The following PEX14 variants were observed in gnomAD, a reference collection of about 807,000 sequenced individuals.
PEX14 encodes the protein peroxisomal membrane protein PEX14.
Under a neutral mutation model 49.5 loss-of-function variants are expected in PEX14, and 15 were observed. The ratio of observed to expected loss-of-function variants is 0.30; its 90% CI spans 0.20 to 0.47. The LOEUF is 0.47. Among genes scored for constraint, PEX14 ranks in the 20% least tolerant of loss-of-function variants. The pLI is 1.00. For missense variants in PEX14, 398 were observed against 494.8 expected (o/e 0.80, Z 1.86); for synonymous variants, 210 against 212.7 (o/e 0.99, Z 0.11).
intron 2 of PEX14, among the ~76,000 whole-genome samples, chr1:10,522,347 A>G (rs930625947): frequency 3.3e-5 from 5 of 152,210 alleles, no homozygotes; most frequent in African/African-American, 9.6e-5. Flanking sequence ...ACGAGGACCA[A>G]TGGTTAGGAG....
chr1:10,527,631 T>C (rs1186858956), intron 2 of PEX14, among the ~76,000 whole-genome samples: 1 of 152,138 alleles, frequency 6.6e-6, no homozygotes, highest in Non-Finnish European at 1.5e-5. Flanking sequence ...TCTCTAATTT[T>C]CTTATGGGGT....
intron 1 of PEX14, among the ~76,000 whole-genome samples, chr1:10,488,926 CTTATTG>C (rs1641420980): frequency 6.6e-6 from 1 of 152,130 alleles, no homozygotes; most frequent in African/African-American, 2.4e-5. Context: ...TCTGGTTTTT[CTTATTG>C]TTATTGGTTA....
chr1:10,590,342 G>T (rs1182251150), intron 3 of PEX14, among the ~76,000 whole-genome samples: 1 of 152,224 alleles, frequency 6.6e-6, no homozygotes, highest in Non-Finnish European at 1.5e-5. Context: ...CTACACGTGG[G>T]TTTAATACAC....
intron 2 of PEX14, among the ~76,000 whole-genome samples, chr1:10,506,345 T>C (rs1029188024): frequency 1.4e-4 from 22 of 152,198 alleles, no homozygotes; most frequent in African/African-American, 5.3e-4. Context: ...AATGGCATGA[T>C]CTTGCTCACT....
chr1:10,483,677 T>G (rs986339593), intron 1 of PEX14, among the ~76,000 whole-genome samples: 4 of 151,820 alleles, frequency 2.6e-5, no homozygotes, highest in African/African-American at 4.9e-5. Context: ...TCTTATGGCC[T>G]AAACTTTACT....
At chr1:10,550,267 G>T (rs955565694) in intron 3 of PEX14, among the ~76,000 whole-genome samples, 1 of 152,214 alleles carries the variant, frequency 6.6e-6, no homozygotes, top group Non-Finnish European at 1.5e-5. Flanking sequence ...AGACTCCAAG[G>T]CAGGAAAGGA....
intron 3 of PEX14, among the ~76,000 whole-genome samples, chr1:10,549,435 G>A (rs986791191): frequency 1.3e-5 from 2 of 152,172 alleles, no homozygotes; most frequent in Admixed American, 1.3e-4. Flanking sequence ...AGAAAAATCG[G>A]TGTAACTTTT....
At chr1:10,577,563 T>TGTATATATATATATATATATATATA (rs1557854885) in intron 3 of PEX14, among the ~76,000 whole-genome samples, 2 of 2,462 alleles carry the variant, frequency 8.1e-4, no homozygotes, top group Non-Finnish European at 1.5e-3. Context: ...TATATATATA[T>TGTATATATATATATATATATATATA]TTTTTTTTTT....
chr1:10,560,332 C>T (rs894772775), intron 3 of PEX14, among the ~76,000 whole-genome samples: 1 of 152,218 alleles, frequency 6.6e-6, no homozygotes, highest in African/African-American at 2.4e-5. Context: ...GCTGGGATTA[C>T]AGGTGTGAGC....
Position 10,628,979 on chromosome 1 carries a change from A to G in PEX14, c.678-552A>G, listed in dbSNP as rs1641829201. ...TGCCTCTTCTGCGTTGAAAGTGTTGAGCTCAGAAGTTTTCTAGCAAAGGGC... is the reference window on the plus strand; with the variant it reads ...TGCCTCTTCTGCGTTGAAAGTGTTGGGCTCAGAAGTTTTCTAGCAAAGGGC... On this transcript the variant is annotated intron_variant, in intron 8 of 8. Transcript: ENST00000356607. The surrounding 1 kb of genome is among the most constrained non-coding windows in gnomAD (Gnocchi z 4.5). Among the ~76,000 whole-genome samples, 1 of 152,078 alleles carries G rather than the reference A, an allele frequency of 6.6e-6. No homozygotes were observed. The highest frequency in any genetic ancestry group is 1.5e-5 in the Non-Finnish European group (1 of 67,990).
At chr1:10,536,114 C>T in intron 2 of PEX14, 99 bp from the exon 3 acceptor site, 1 of 801,334 alleles carries the variant, frequency 1.2e-6, no homozygotes, top group Non-Finnish European at 2.2e-6. Flanking sequence ...CAATAGTATG[C>T]TTGTCTCTGT....
chr1:10,538,469 C>G (rs1417750456), intron 3 of PEX14, among the ~76,000 whole-genome samples: 1 of 152,230 alleles, frequency 6.6e-6, no homozygotes, highest in South Asian at 2.1e-4. Flanking sequence ...AGGTTAATCA[C>G]CCATCTCCAT....
intron 3 of PEX14, among the ~76,000 whole-genome samples, chr1:10,560,129 C>G (rs542539040): frequency 6.6e-6 from 1 of 151,972 alleles, no homozygotes; most frequent in Admixed American, 6.6e-5. Context: ...ACGATCTTGG[C>G]TCACTGCAAT....
chr1:10,518,274 G>T (rs1313457792), intron 2 of PEX14, among the ~76,000 whole-genome samples: 1 of 152,202 alleles, frequency 6.6e-6, no homozygotes, highest in East Asian at 1.9e-4. Context: ...TTAAGGGTTA[G>T]ATGAATAGAG....
intron 3 of PEX14, among the ~76,000 whole-genome samples, chr1:10,575,769 A>G (rs1284898828): frequency 2.0e-5 from 3 of 152,124 alleles, no homozygotes; most frequent in Non-Finnish European, 4.4e-5. Context: ...GCATTGTCTG[A>G]TATTTTCTCA....
rs553790735 is a variant in PEX14 at position 10,628,727 on chromosome 1, C to T, written c.678-804C>T. Among the ~76,000 whole-genome samples the T allele has an allele frequency of 3.9e-5, 6 of 152,322 alleles. No homozygotes were observed. Among genetic ancestry groups the T allele is most frequent in the Admixed American group, 3.9e-4 (6 of 15,312 alleles). On this transcript the variant is annotated intron_variant, in intron 8 of 8. Coordinates refer to ENST00000356607, the MANE Select transcript of PEX14 (RefSeq NM_004565.3). This position sits in a 1 kb window ranked among gnomAD's most constrained non-coding sequence, Gnocchi z 4.5. ...AGCAGGCCGTGGTGTGTGCCCCACT[C>T]AAGTGGGGTCTGTGGTGGGAGAGTT...
intron 3 of PEX14, among the ~76,000 whole-genome samples, chr1:10,578,275 G>A (rs1640209395): frequency 6.6e-6 from 1 of 152,152 alleles, no homozygotes; most frequent in Non-Finnish European, 1.5e-5. Context: ...TGGAGGTGGA[G>A]TCTTGTCAAG....
intron 3 of PEX14, among the ~76,000 whole-genome samples, chr1:10,573,602 A>C (rs567428386): frequency 1.3e-5 from 2 of 152,320 alleles, no homozygotes; most frequent in East Asian, 3.9e-4. Context: ...GAGAATAGCA[A>C]ATGTTGTCAA....
intron 3 of PEX14, among the ~76,000 whole-genome samples, chr1:10,542,867 C>T (rs977071056): frequency 1.3e-5 from 2 of 152,116 alleles, no homozygotes; most frequent in African/African-American, 4.8e-5. Context: ...ATATTCTTGT[C>T]GTATACATTG....
Sources: allele counts gnomAD v4.1 joint callset (sites outside exome capture counted in the v4.1 genomes callset), GRCh38; gene constraint gnomAD v4.1.1; non-coding constraint Gnocchi (gnomAD v3.1); transcripts MANE v1.5; gene names NCBI Gene and HGNC (gene_info 2026-07-23, HGNC 2026-07-21).